The following PTPRO variants were observed in gnomAD, a reference collection of about 807,000 sequenced individuals.
The protein encoded by PTPRO is receptor-type tyrosine-protein phosphatase O.
A neutral mutation model predicts 145.2 loss-of-function variants in PTPRO; 62 were observed. The ratio of observed to expected loss-of-function variants is 0.43; its 90% CI spans 0.35 to 0.53. The LOEUF is 0.53. Ranked by LOEUF, PTPRO falls within the 20% of genes least tolerant of loss-of-function variation. The probability of loss-of-function intolerance (pLI) is 0.01; values close to 1 mark genes in which losing one functional copy is unlikely to be tolerated. For synonymous variants in PTPRO, 565 were observed against 514.7 expected, an observed-to-expected ratio of 1.10 and a Z score of -1.32; for missense variants, 1,345 against 1,482.7, an observed-to-expected ratio of 0.91 and a Z score of 1.53.
chr12:15,571,309 A>G (rs553779571), intron 19 of PTPRO, among the ~76,000 whole-genome samples: 2 of 145,396 alleles, frequency 1.4e-5, no homozygotes, highest in South Asian at 4.4e-4. Context: ...TTGTTTTTTG[A>G]GACAGTCTCA....
In PTPRO at chr12:15,597,713, G is replaced by T. The variant is rs919849545; in HGVS notation, c.*1640G>T. Among the ~76,000 whole-genome samples, 1 of 152,172 alleles carries T rather than the reference G, an allele frequency of 6.6e-6. No individual in the cohort carries two copies. The highest frequency in any genetic ancestry group is 2.1e-4 in the South Asian group (1 of 4,830). Reference sequence around the variant, plus strand: ...GGCAGAGGATGCCCATACCCTGCAGGTTAACAGCTTGGGCTCCTCAGGGGT... The same window carrying T: ...GGCAGAGGATGCCCATACCCTGCAGTTTAACAGCTTGGGCTCCTCAGGGGT... On this transcript the variant is annotated 3_prime_UTR_variant, in exon 27 of 27. Transcript: ENST00000281171.
At chr12:15,584,364 A>G (rs1301654448) in intron 23 of PTPRO, among the ~76,000 whole-genome samples, 1 of 152,236 alleles carries the variant, frequency 6.6e-6, no homozygotes, top group Non-Finnish European at 1.5e-5. Flanking sequence ...CTGATAACCA[A>G]ATACAGTACA....
intron 26 of PTPRO, 132 bp from the exon 27 acceptor site, chr12:15,595,958 A>G (rs994485707): frequency 1.4e-4 from 21 of 152,464 alleles, no homozygotes; most frequent in African/African-American, 5.1e-4. Context: ...GAGGCAGCAC[A>G]CAGAGAAAGA....
chr12:15,453,468 G>T (rs1178372520), intron 1 of PTPRO, among the ~76,000 whole-genome samples: 1 of 152,160 alleles, frequency 6.6e-6, no homozygotes, highest in African/African-American at 2.4e-5. Flanking sequence ...TCTATTGCTT[G>T]TGACAAACAC....
In PTPRO at chr12:15,508,764, T is replaced by C. The variant is rs766072871; in HGVS notation, c.1461T>C (p.Thr487=). Reference sequence around the variant, plus strand: ...AGAGGCTTGAAAAGCAGTACTGCACTCAGGTAAAGGAGAGGAAATGAGAAT... The same window carrying C: ...AGAGGCTTGAAAAGCAGTACTGCACCCAGGTAAAGGAGAGGAAATGAGAAT... The part of the protein sequence containing the change: ...ESQRLEKQYC[T]QVNSSKPIIE... Residue 487 remains threonine (T), a synonymous_variant, in exon 7 of 27, where the codon ACT becomes ACC. Coordinates refer to ENST00000281171, the MANE Select transcript of PTPRO (RefSeq NM_030667.3). 1.2e-5 allele frequency: 19 copies of C among 1,613,768 alleles called. No homozygotes were observed. In the Admixed American group the frequency reaches 1.8e-4, roughly 16 times the overall value.
chr12:15,440,370 A>C, intron 1 of PTPRO: 1 of 378,534 alleles, frequency 2.6e-6, no homozygotes. Flanking sequence ...GTCTCCATGC[A>C]GAGGACTGAG....
At position 15,549,098 on chromosome 12, in the gene PTPRO, C is replaced by A; in HGVS notation, c.2309C>A (p.Pro770Gln). The A allele has an allele frequency of 6.2e-7, 1 of 1,613,166 alleles. No homozygotes were observed. The highest frequency in any genetic ancestry group is 8.5e-7 in the Non-Finnish European group (1 of 1,179,494). Residue 770 changes from proline (P) to glutamine (Q), a missense_variant, in exon 14 of 27, where the codon CCA becomes CAA. By Grantham distance (76) the Pro-to-Gln change is moderately conservative. Coordinates refer to ENST00000281171, the MANE Select transcript of PTPRO (RefSeq NM_030667.3). Reference sequence around the variant, plus strand: ...CCTTATTTTCTGAAACCCCAGGAACCAGTTGCTGTTTCTTCCCATGTCGTG... The same window carrying A: ...CCTTATTTTCTGAAACCCCAGGAACAAGTTGCTGTTTCTTCCCATGTCGTG... ...GSSQKTKLQE[P>Q]VAVSSHVVTI...
In PTPRO at chr12:15,408,816, A is replaced by G. The variant is rs368555404; in HGVS notation, c.76-75158A>G. ...TTATTTCCCATTTTAAAAGTGATAT[A>G]TAACACCGTTAGCTTCTCTTAGCCT... is the stretch of plus-strand genomic sequence containing the variant. On this transcript the variant is annotated intron_variant, in intron 1 of 26. Coordinates refer to ENST00000281171, the MANE Select transcript of PTPRO (RefSeq NM_030667.3). Among the ~76,000 whole-genome samples, 6 of 152,322 alleles carry G rather than the reference A, an allele frequency of 3.9e-5. 1 individual carries two copies. Among genetic ancestry groups the G allele is most frequent in the Admixed American group, 2.0e-4 (3 of 15,302 alleles).
At chr12:15,440,685 G>T (rs939251505) in intron 1 of PTPRO, among the ~76,000 whole-genome samples, 2 of 151,992 alleles carry the variant, frequency 1.3e-5, no homozygotes, top group South Asian at 4.2e-4. Context: ...ACATAGGAAG[G>T]CCCCATCCTT....
chr12:15,478,454 G>A (rs999259675), intron 1 of PTPRO, among the ~76,000 whole-genome samples: 7 of 152,122 alleles, frequency 4.6e-5, no homozygotes, highest in African/African-American at 7.2e-5. Flanking sequence ...GTCTTAATGT[G>A]CATTAGTGTT....
At chr12:15,426,507 T>G (rs184238259) in intron 1 of PTPRO, among the ~76,000 whole-genome samples, 48 of 152,184 alleles carry the variant, frequency 3.2e-4, no homozygotes, top group South Asian at 1.9e-3. Flanking sequence ...ATTTCACCAG[T>G]TAGATTGTTC....
intron 1 of PTPRO, among the ~76,000 whole-genome samples, chr12:15,377,228 G>A (rs1938715610): frequency 6.6e-6 from 1 of 151,648 alleles, no homozygotes; most frequent in South Asian, 2.1e-4. Flanking sequence ...TAATTAAAAC[G>A]GTACACTAGA....
chr12:15,402,683 A>T (rs929620634), intron 1 of PTPRO, among the ~76,000 whole-genome samples: 1 of 152,166 alleles, frequency 6.6e-6, no homozygotes, highest in Non-Finnish European at 1.5e-5. Flanking sequence ...AGGGTGACAA[A>T]TGACAAATGT....
chr12:15,479,746 G>A (rs1257498598), intron 1 of PTPRO, among the ~76,000 whole-genome samples: 5 of 152,218 alleles, frequency 3.3e-5, no homozygotes, highest in Non-Finnish European at 7.3e-5. Flanking sequence ...TCAGTACTGA[G>A]TAGCAGAGAG....
chr12:15,524,194 TTC>T (rs1006736274), intron 10 of PTPRO, among the ~76,000 whole-genome samples: 1 of 151,662 alleles, frequency 6.6e-6, no homozygotes, highest in Non-Finnish European at 1.5e-5. Flanking sequence ...CTTCCCTTCT[TTC>T]TCTCTCTCAC....
At chr12:15,484,304 C>T (rs565159759) in intron 2 of PTPRO, 57 bp downstream of exon 2, 12 of 1,596,158 alleles carry the variant, frequency 7.5e-6, no homozygotes, top group South Asian at 6.7e-5. Context: ...TGTTTCTTCC[C>T]GTAGGGCTCG....
intron 1 of PTPRO, among the ~76,000 whole-genome samples, chr12:15,391,898 T>C (rs1286857042): frequency 2.0e-5 from 3 of 152,148 alleles, no homozygotes; most frequent in Non-Finnish European, 4.4e-5. Context: ...CTGGGACCAA[T>C]GTATTTTAGC....
At chr12:15,425,897 A>G (rs746249469) in intron 1 of PTPRO, among the ~76,000 whole-genome samples, 1 of 151,936 alleles carries the variant, frequency 6.6e-6, no homozygotes, top group Non-Finnish European at 1.5e-5. Context: ...TTTATTTATA[A>G]ATTCCTCCAA....
At chr12:15,463,472 A>G (rs1941350126) in intron 1 of PTPRO, among the ~76,000 whole-genome samples, 1 of 152,208 alleles carries the variant, frequency 6.6e-6, no homozygotes, top group African/African-American at 2.4e-5. Flanking sequence ...ATAGTCATAG[A>G]AGAAAAAATG....
Sources: gnomAD v4.1 joint callset for allele counts (sites outside exome capture counted in the v4.1 genomes callset) on GRCh38, gnomAD v4.1.1 for gene constraint, MANE v1.5 for transcripts, NCBI Gene and HGNC (gene_info 2026-07-23, HGNC 2026-07-21) for gene names.